Variants in SLC8A1 observed in about 807,000 individuals in gnomAD.
SLC8A1 encodes solute carrier family 8 member A1.
In SLC8A1, 18 loss-of-function variants were observed where a neutral mutation model predicts 68.3. The observed-to-expected ratio is 0.26, with a 90% CI of 0.18 to 0.39. SLC8A1 has a LOEUF of 0.39. Among genes scored for constraint, SLC8A1 ranks in the 10% least tolerant of loss-of-function variants. SLC8A1 has a pLI of 1.00. For missense variants in SLC8A1, 985 were observed against 1,156.7 expected (o/e 0.85, Z 2.15); for synonymous variants, 475 against 415.5 (o/e 1.14, Z -1.74).
chr2:40,107,285 A>AAAAAAAAAAAGAAAAAAAAAG (rs763206318), exon 8 of SLC8A1: 5 of 143,528 alleles, frequency 3.5e-5, no homozygotes, highest in South Asian at 2.1e-4. Flanking sequence ...GTCTCAAAAA[A>AAAAAAAAAAAGAAAAAAAAAG]AAAAAAAAAA....
intron 2 of SLC8A1, among the ~76,000 whole-genome samples, chr2:40,284,455 C>CTATAGATATATATCTATAGATATGTATG (rs1235817044): frequency 3.6e-5 from 5 of 140,606 alleles, no homozygotes; most frequent in African/African-American, 1.4e-4. Context: ...AAATGTATAT[C>CTATAGATATATATCTATAGATATGTATG]TATAGATATA....
chr2:40,115,042 C>A, exon 8 of SLC8A1: 1 of 302,502 alleles, frequency 3.3e-6, no homozygotes, highest in Non-Finnish European at 5.9e-6. Flanking sequence ...GCAAAGATGG[C>A]CCTGCCTCCA....
chr2:40,149,259 A>G (rs2042992272), intron 6 of SLC8A1, among the ~76,000 whole-genome samples: 2 of 152,242 alleles, frequency 1.3e-5, no homozygotes, highest in Admixed American at 6.5e-5. Context: ...TTTATTGTCA[A>G]CTTATGTATC....
intron 1 of SLC8A1, among the ~76,000 whole-genome samples, chr2:40,442,090 C>T (rs1360541958): frequency 2.7e-5 from 4 of 148,160 alleles, no homozygotes; most frequent in Non-Finnish European, 4.5e-5. Flanking sequence ...AGGAGATATA[C>T]CTAATGCTAA....
chr2:40,386,335 A>G (rs757411587), intron 2 of SLC8A1, among the ~76,000 whole-genome samples: 3 of 151,102 alleles, frequency 2.0e-5, no homozygotes, highest in Non-Finnish European at 2.9e-5. Flanking sequence ...GTGTGTGTAT[A>G]TAACAGAGCA....
chr2:40,247,727 A>T (rs547770670), intron 2 of SLC8A1, among the ~76,000 whole-genome samples: 1 of 152,350 alleles, frequency 6.6e-6, no homozygotes, highest in South Asian at 2.1e-4. Context: ...TGCATAAATA[A>T]CTTACAAGAG....
chr2:40,487,199 A>G (rs888881870), intron 1 of SLC8A1, among the ~76,000 whole-genome samples: 1 of 152,128 alleles, frequency 6.6e-6, no homozygotes, highest in Admixed American at 6.6e-5. Context: ...GGTGAAAATC[A>G]TACTGTTAGG....
intron 2 of SLC8A1, among the ~76,000 whole-genome samples, chr2:40,299,058 G>C (rs188742126): frequency 3.3e-4 from 50 of 151,298 alleles, no homozygotes; most frequent in African/African-American, 1.2e-3. Flanking sequence ...AATGTTCCAG[G>C]CTCCTGATTC....
intron 2 of SLC8A1, among the ~76,000 whole-genome samples, chr2:40,347,410 G>C (rs1669700976): frequency 6.6e-6 from 1 of 152,198 alleles, no homozygotes; most frequent in Non-Finnish European, 1.5e-5. Context: ...TACTATCGTA[G>C]AAGTCAGCAG....
Position 40,171,915 on chromosome 2 carries a change from A to T in SLC8A1, c.1930+2910T>A, listed in dbSNP as rs897378717. Among the ~76,000 whole-genome samples the T allele has an allele frequency of 5.9e-5, 9 of 152,244 alleles. 1 individual carries two copies. The highest frequency in any genetic ancestry group is 1.9e-4 in the African/African-American group (8 of 41,466). On this transcript the variant is annotated intron_variant, in intron 4 of 7. Transcript: ENST00000406785. Reference sequence around the variant, plus strand: ...ATCTGCAGATTCCAAAAGCACCTCCAACACTTAATGTCCATCACTAATGAG... The same window carrying T: ...ATCTGCAGATTCCAAAAGCACCTCCTACACTTAATGTCCATCACTAATGAG...
intron 2 of SLC8A1, among the ~76,000 whole-genome samples, chr2:40,232,544 G>C (rs1204190472): frequency 6.6e-6 from 1 of 151,514 alleles, no homozygotes; most frequent in Non-Finnish European, 1.5e-5. Context: ...ACATTGAATG[G>C]CCTTTGTGGA....
rs1559735788 is a variant in SLC8A1 at position 40,451,738 on chromosome 2, CA to C, written c.-25+165del. Among the ~76,000 whole-genome samples, 16 of 3,222 alleles carry C rather than the reference CA, an allele frequency of 5.0e-3. 2 individuals carry two copies. Among genetic ancestry groups the C allele is most frequent in the African/African-American group, 0.02 (15 of 744 alleles). 2.1% of individuals were successfully genotyped at this position (3,222 alleles called of 152,430 possible). A position where few individuals can be genotyped will look rare whatever the true frequency, so the allele number is the denominator to read the frequency against. ...ATGTGCAGGCGCGCACACACCACAT[CA>C]CACACACACACACACACACACACAC... On this transcript the variant is annotated intron_variant, in intron 1 of 7. Coordinates refer to ENST00000406785, the Ensembl canonical transcript of SLC8A1.
chr2:40,195,908 C>A (rs2052895596), intron 2 of SLC8A1: 1 of 151,764 alleles, frequency 6.6e-6, no homozygotes, highest in South Asian at 2.1e-4. Context: ...AATGTGAAAT[C>A]CAATATTGTA....
At chr2:40,229,307 T>C (rs1015438146) in intron 2 of SLC8A1, among the ~76,000 whole-genome samples, 8 of 152,040 alleles carry the variant, frequency 5.3e-5, no homozygotes, top group African/African-American at 9.7e-5. Context: ...AATAAAAAAA[T>C]GAAAATGCCA....
chr2:40,286,888 G>A (rs943353927), intron 2 of SLC8A1, among the ~76,000 whole-genome samples: 3 of 152,108 alleles, frequency 2.0e-5, no homozygotes, highest in East Asian at 3.9e-4. Flanking sequence ...ACCTGTATTC[G>A]TCCTTGCACG....
chr2:40,303,566 A>G (rs1470144393), intron 2 of SLC8A1, among the ~76,000 whole-genome samples: 2 of 152,182 alleles, frequency 1.3e-5, no homozygotes, highest in Non-Finnish European at 2.9e-5. Flanking sequence ...ATCTGATTGC[A>G]TATGTTCCTG....
At chr2:40,309,107 T>A (rs1361519681) in intron 2 of SLC8A1, among the ~76,000 whole-genome samples, 5 of 152,192 alleles carry the variant, frequency 3.3e-5, no homozygotes, top group Non-Finnish European at 5.9e-5. Flanking sequence ...CCTGTTTTGT[T>A]ATTGTTGATG....
intron 2 of SLC8A1, among the ~76,000 whole-genome samples, chr2:40,271,023 C>G (rs2065958728): frequency 1.3e-5 from 2 of 152,170 alleles, no homozygotes; most frequent in Non-Finnish European, 2.9e-5. Flanking sequence ...CTCACTGGTC[C>G]ACTGTGGTCT....
chr2:40,309,755 T>C (rs4952403), intron 2 of SLC8A1, among the ~76,000 whole-genome samples: 39,976 of 151,986 alleles, frequency 0.26, 5,329 homozygotes, highest in East Asian at 0.38. Context: ...CCGCCCGCCT[T>C]GGCCTCCCAA....
Sources: gnomAD v4.1 joint callset for allele counts (sites outside exome capture counted in the v4.1 genomes callset) on GRCh38, gnomAD v4.1.1 for gene constraint, MANE v1.5 for transcripts, NCBI Gene and HGNC (gene_info 2026-07-23, HGNC 2026-07-21) for gene names.